MEGF11: variants seen among roughly 807,000 people sequenced by gnomAD.
MEGF11 encodes multiple EGF like domains 11.
MEGF11 carries 126 observed loss-of-function variants against 146.6 expected under a neutral mutation model. The ratio of observed to expected loss-of-function variants is 0.86; its 90% CI spans 0.74 to 1.00. The LOEUF is 1.00. Among genes scored for constraint, MEGF11 ranks in the 50% least tolerant of loss-of-function variants. The pLI is 0.00. For synonymous variants in MEGF11, 532 were observed against 583.4 expected (o/e 0.91, Z 1.27); for missense variants, 1,509 against 1,521.2 (o/e 0.99, Z 0.13).
chr15:65,913,956 C>A lies in MEGF11; in HGVS notation c.2491G>T (p.Glu831Ter). ...RCDQAALMME[E>*]LNPYTKISPA... ...CTGATCTTGGTGTAGGGATTCAGCT[C>A]CTCCATCATGAGGGCAGCTGCGGGC... is the stretch of plus-strand genomic sequence containing the variant. Residue 831 changes from glutamate (E) to a stop codon, truncating the protein, a stop_gained, in exon 20 of 26, where the codon GAG (glutamate) becomes TAG (stop). Transcript: ENST00000395614. LOFTEE classifies it high-confidence loss of function. 1 of 1,613,792 alleles carries A rather than the reference C, an allele frequency of 6.2e-7. No homozygotes were observed. The highest frequency in any genetic ancestry group is 1.1e-5 in the South Asian group (1 of 91,076).
intron 1 of MEGF11, among the ~76,000 whole-genome samples, chr15:66,154,431 C>T (rs567719083): frequency 3.4e-4 from 51 of 152,232 alleles, no homozygotes; most frequent in Admixed American, 9.2e-4. Context: ...ATGGGCTCTT[C>T]GGAGCAGAGA....
chr15:66,120,986 C>A (rs975468618), intron 3 of MEGF11, among the ~76,000 whole-genome samples: 17 of 152,186 alleles, frequency 1.1e-4, no homozygotes, highest in African/African-American at 3.1e-4. Context: ...CCAGGCTGCT[C>A]TCAGGGGAAG....
At chr15:66,078,954 G>A (rs545199134) in intron 5 of MEGF11, among the ~76,000 whole-genome samples, 2 of 152,130 alleles carry the variant, frequency 1.3e-5, no homozygotes, top group African/African-American at 2.4e-5. Context: ...CAGTTCACTC[G>A]CAGACCCCAG....
chr15:66,118,313 G>A (rs4776734), intron 4 of MEGF11, among the ~76,000 whole-genome samples: 2 of 151,794 alleles, frequency 1.3e-5, no homozygotes, highest in South Asian at 4.2e-4. Flanking sequence ...GTGTCTTGCC[G>A]AAAGCCCCAT....
At chr15:66,028,958 A>C (rs2083426706) in intron 5 of MEGF11, among the ~76,000 whole-genome samples, 1 of 152,240 alleles carries the variant, frequency 6.6e-6, no homozygotes, top group African/African-American at 2.4e-5. Context: ...ACAATGCAAA[A>C]GTTAGATAGC....
chr15:65,964,240 G>C (rs1241666407), intron 9 of MEGF11, among the ~76,000 whole-genome samples: 3 of 152,172 alleles, frequency 2.0e-5, no homozygotes, highest in African/African-American at 4.8e-5. Context: ...TGGAAGTGGG[G>C]GGTGGAGGGA....
At position 65,926,553 on chromosome 15, in the gene MEGF11, C is replaced by T. The variant is rs1356974162; in HGVS notation, c.1675+1872G>A. ...GCCAAGCCAAGGAATGAGCGGTGTGCCAGGGACTGGGAAGTTAGGCACAGA... is the reference window on the plus strand; with the variant it reads ...GCCAAGCCAAGGAATGAGCGGTGTGTCAGGGACTGGGAAGTTAGGCACAGA... On this transcript the variant is annotated intron_variant, in intron 13 of 25. Coordinates refer to ENST00000395614, the MANE Select transcript of MEGF11 (RefSeq NM_001385028.1). 2.0e-5 allele frequency among the ~76,000 whole-genome samples: 3 copies of T among 152,156 alleles called. No individual in the cohort carries two copies. In the East Asian group the frequency reaches 5.8e-4, roughly 29 times the overall value.
chr15:66,102,356 G>A (rs2086855475), intron 4 of MEGF11, among the ~76,000 whole-genome samples: 1 of 18,700 alleles, frequency 5.3e-5, no homozygotes, highest in South Asian at 2.3e-3. Context: ...CTGAGTTCCT[G>A]CACCTCATTT....
intron 5 of MEGF11, among the ~76,000 whole-genome samples, chr15:66,004,641 G>C (rs1740366710): frequency 6.6e-6 from 1 of 151,968 alleles, no homozygotes; most frequent in Admixed American, 6.6e-5. Flanking sequence ...GCAAACTATG[G>C]ATCAACAGAA....
At chr15:66,123,724 G>A (rs1597106080) in intron 3 of MEGF11, among the ~76,000 whole-genome samples, 175 bp downstream of exon 3, 1 of 152,206 alleles carries the variant, frequency 6.6e-6, no homozygotes, top group East Asian at 1.9e-4. Context: ...CTGCTGGCCT[G>A]TACTACCCGC....
Position 65,955,817 on chromosome 15 carries a change from ACT to A in MEGF11, c.1287+1728_1287+1729del. Among the ~76,000 whole-genome samples the A allele has an allele frequency of 1.5e-3, 4 of 2,710 alleles. No homozygotes were observed. In the East Asian group the frequency reaches 0.2, roughly 136 times the overall value. The allele number at this position is 2,710 out of a possible 152,430, so 1.8% of individuals were successfully genotyped here. On this transcript the variant is annotated intron_variant, in intron 10 of 25. Coordinates refer to ENST00000395614, the MANE Select transcript of MEGF11 (RefSeq NM_001385028.1). The stretch of plus-strand genomic sequence containing the variant: ...ATACACACACACACACACACACAAT[ACT>A]TTAAATATATAACATGTAATCAATA...
chr15:65,965,575 T>TTCCTTC (rs1567179913), intron 8 of MEGF11, among the ~76,000 whole-genome samples: 1 of 24,994 alleles, frequency 4.0e-5, no homozygotes, highest in African/African-American at 1.1e-4. Context: ...GAGGTCCCTT[T>TTCCTTC]CTTTCTTTCT....
chr15:66,130,720 A>AAGAG (rs1157890404), intron 1 of MEGF11, among the ~76,000 whole-genome samples: 2 of 63,390 alleles, frequency 3.2e-5, no homozygotes, highest in African/African-American at 9.4e-5. Flanking sequence ...AAGAAAAAGA[A>AAGAG]AGAGGGAGGG....
intron 5 of MEGF11, among the ~76,000 whole-genome samples, chr15:66,009,278 G>C (rs997398120): frequency 3.1e-4 from 46 of 147,030 alleles, no homozygotes; most frequent in African/African-American, 1.1e-3. Context: ...TAGCACATGA[G>C]TGCTATAAAT....
intron 24 of MEGF11, among the ~76,000 whole-genome samples, chr15:65,902,925 G>A (rs2078530771): frequency 6.6e-6 from 1 of 152,148 alleles, no homozygotes; most frequent in Non-Finnish European, 1.5e-5. Flanking sequence ...AGCCCACCTT[G>A]GCTTCTAGGT....
intron 1 of MEGF11, among the ~76,000 whole-genome samples, chr15:66,245,998 C>T (rs2092291476): frequency 6.6e-6 from 1 of 151,910 alleles, no homozygotes; most frequent in African/African-American, 2.4e-5. Context: ...TGGTGGCTCA[C>T]TCCTGTAATC....
Position 65,922,705 on chromosome 15 carries a change from G to A in MEGF11, c.1822+118C>T, listed in dbSNP as rs1039558422. On this transcript the variant is annotated intron_variant, in intron 14 of 25. Coordinates refer to ENST00000395614, the MANE Select transcript of MEGF11 (RefSeq NM_001385028.1). Reference sequence around the variant, plus strand: ...TGCAGAGGGAGAGACTAGAGGGAAGGAAGAGATGGGGGCTGATTCAAGAGC... The same window carrying A: ...TGCAGAGGGAGAGACTAGAGGGAAGAAAGAGATGGGGGCTGATTCAAGAGC... 2.9e-4 allele frequency: 386 copies of A among 1,342,488 alleles called. 6 individuals are homozygous for A. In the South Asian group the frequency reaches 3.7e-3, roughly 13 times the overall value. 83.2% of individuals were successfully genotyped at this position (1,342,488 alleles called of 1,614,324 possible). A position where few individuals can be genotyped will look rare whatever the true frequency, so the allele number is the denominator to read the frequency against.
intron 10 of MEGF11, among the ~76,000 whole-genome samples, chr15:65,937,472 T>C (rs746323845): frequency 6.6e-6 from 1 of 152,118 alleles, no homozygotes; most frequent in Non-Finnish European, 1.5e-5. Context: ...TGCAAGATAA[T>C]GTACAGGCCT....
At chr15:66,121,272 T>G (rs1244519849) in intron 3 of MEGF11, among the ~76,000 whole-genome samples, 1 of 152,196 alleles carries the variant, frequency 6.6e-6, no homozygotes, top group East Asian at 1.9e-4. Context: ...GCAGCACTAC[T>G]ATTTCTGCCT....
Sources: allele counts gnomAD v4.1 joint callset (sites outside exome capture counted in the v4.1 genomes callset), GRCh38; gene constraint gnomAD v4.1.1; transcripts MANE v1.5; gene names NCBI Gene and HGNC (gene_info 2026-07-23, HGNC 2026-07-21).